EYA1: variants seen among roughly 807,000 people sequenced by gnomAD.
The protein encoded by EYA1 is EYA transcriptional coactivator and phosphatase 1.
In EYA1, 16 loss-of-function variants were observed where a neutral mutation model predicts 82.0. The observed-to-expected ratio is 0.20, with a 90% CI of 0.13 to 0.30. The LOEUF (loss-of-function observed/expected upper bound fraction) is 0.30, where lower values mean the gene tolerates loss of function less well. Ranked by LOEUF, EYA1 falls within the 10% of genes least tolerant of loss-of-function variation. EYA1 has a pLI of 1.00. For synonymous variants in EYA1, 261 were observed against 264.4 expected, an observed-to-expected ratio of 0.99 and a Z score of 0.12; for missense variants, 633 against 730.7, an observed-to-expected ratio of 0.87 and a Z score of 1.54.
intron 16 of EYA1, among the ~76,000 whole-genome samples, chr8:71,211,762 C>G (rs1808541411): frequency 6.6e-6 from 1 of 152,114 alleles, no homozygotes; most frequent in South Asian, 2.1e-4. Flanking sequence ...CAAGAAAACG[C>G]AAACATCGGA....
At chr8:71,398,104 GT>G (rs1456317238) in intron 2 of EYA1, among the ~76,000 whole-genome samples, 1 of 152,072 alleles carries the variant, frequency 6.6e-6, no homozygotes, top group Admixed American at 6.6e-5. Context: ...TTGTGCATGT[GT>G]CACGTAGTTC....
intron 9 of EYA1, among the ~76,000 whole-genome samples, chr8:71,280,192 A>C (rs139379163): frequency 5.4e-4 from 83 of 152,320 alleles, no homozygotes; most frequent in African/African-American, 1.9e-3. Flanking sequence ...CACAAACTCA[A>C]CTTACTTGAG....
intron 7 of EYA1, among the ~76,000 whole-genome samples, chr8:71,305,962 G>C (rs912018091): frequency 6.6e-6 from 1 of 152,172 alleles, no homozygotes; most frequent in Non-Finnish European, 1.5e-5. Flanking sequence ...TCTAGAGGTT[G>C]TTGTGATGCA....
chr8:71,326,635 G>A (rs1316724215), intron 4 of EYA1, among the ~76,000 whole-genome samples: 1 of 152,206 alleles, frequency 6.6e-6, no homozygotes, highest in Non-Finnish European at 1.5e-5. Context: ...TCCTGGGAGA[G>A]CTGGGGCTCC....
At chr8:71,493,834 TAA>T (rs1397878440) in intron 2 of EYA1, among the ~76,000 whole-genome samples, 104 of 149,328 alleles carry the variant, frequency 7.0e-4, no homozygotes, top group Admixed American at 1.8e-3. Flanking sequence ...CCATCCCGGC[TAA>T]AACGGTGAAA....
At chr8:71,419,070 T>C (rs1831007834) in intron 2 of EYA1, among the ~76,000 whole-genome samples, 1 of 152,136 alleles carries the variant, frequency 6.6e-6, no homozygotes, top group African/African-American at 2.4e-5. Flanking sequence ...AGAATCAGAA[T>C]ATGCAGAGCC....
intron 2 of EYA1, among the ~76,000 whole-genome samples, chr8:71,533,490 C>T (rs1018570942): frequency 6.6e-6 from 1 of 152,136 alleles, no homozygotes; most frequent in Non-Finnish European, 1.5e-5. Flanking sequence ...GAAGTGTGAG[C>T]ACTTGGGATA....
chr8:71,543,585 A>G (rs935727476), intron 1 of EYA1, among the ~76,000 whole-genome samples: 1 of 152,174 alleles, frequency 6.6e-6, no homozygotes, highest in African/African-American at 2.4e-5. Context: ...CCTCTAAATT[A>G]AACATGATGT....
At chr8:71,219,361 G>A (rs990352176) in intron 12 of EYA1, among the ~76,000 whole-genome samples, 5 of 151,996 alleles carry the variant, frequency 3.3e-5, no homozygotes, top group African/African-American at 9.7e-5. Context: ...TCTGTAGAAT[G>A]ATTTTAATTA....
At chr8:71,272,003 C>T in intron 9 of EYA1, 106 bp from the exon 10 acceptor site, 1 of 1,159,684 alleles carries the variant, frequency 8.6e-7, no homozygotes, top group Admixed American at 1.7e-5. Flanking sequence ...AAGCACATTT[C>T]ATTCTGCTGA....
chr8:71,523,470 G>A (rs1441941099), intron 2 of EYA1, among the ~76,000 whole-genome samples: 1 of 152,130 alleles, frequency 6.6e-6, no homozygotes, highest in Admixed American at 6.5e-5. Context: ...GACCTACCGC[G>A]CCCGGCCAAA....
chr8:71,483,891 G>A (rs1810367051), intron 2 of EYA1, among the ~76,000 whole-genome samples: 1 of 152,166 alleles, frequency 6.6e-6, no homozygotes, highest in Admixed American at 6.6e-5. Flanking sequence ...GAAACAAAGG[G>A]TCAATCAGAA....
chr8:71,540,882 G>T (rs1388000671), intron 1 of EYA1, among the ~76,000 whole-genome samples: 1 of 152,156 alleles, frequency 6.6e-6, no homozygotes, highest in African/African-American at 2.4e-5. Flanking sequence ...AAAGAAAAGG[G>T]CTATTCTGAA....
Position 71,297,923 on chromosome 8 carries a change from G to A in EYA1, c.826+1124C>T, listed in dbSNP as rs551039374. Among the ~76,000 whole-genome samples the A allele has an allele frequency of 7.9e-5, 12 of 152,222 alleles. No individual in the cohort carries two copies. In the East Asian group the frequency reaches 2.1e-3, roughly 27 times the overall value. On this transcript the variant is annotated intron_variant, in intron 9 of 17. Transcript: ENST00000340726. ...ACAAAAATATTTAAAGTTAAAATGT[G>A]CAGCAGAAATAATGAGCATTAGAAG...
intron 1 of EYA1, among the ~76,000 whole-genome samples, chr8:71,539,754 T>A (rs1487797485): frequency 6.6e-6 from 1 of 152,094 alleles, no homozygotes; most frequent in African/African-American, 2.4e-5. Flanking sequence ...ACAGGAATAA[T>A]GGAAGTTTTA....
At chr8:71,468,328 T>C (rs748210383) in intron 2 of EYA1, among the ~76,000 whole-genome samples, 14 of 152,146 alleles carry the variant, frequency 9.2e-5, no homozygotes, top group Non-Finnish European at 2.1e-4. Flanking sequence ...TCCTATCTTT[T>C]GACTTCACAT....
At chr8:71,440,025 T>A (rs903259364) in intron 2 of EYA1, among the ~76,000 whole-genome samples, 6 of 152,198 alleles carry the variant, frequency 3.9e-5, no homozygotes, top group South Asian at 2.1e-4. Context: ...AAAGCAAAGA[T>A]GGCTTCTAGA....
intron 2 of EYA1, among the ~76,000 whole-genome samples, chr8:71,473,276 T>A (rs1366148997): frequency 6.7e-6 from 1 of 149,174 alleles, no homozygotes; most frequent in African/African-American, 2.5e-5. Context: ...ACCTACAGAA[T>A]GGGAGAAAAT....
At chr8:71,236,168 T>C (rs936643053) in intron 12 of EYA1, among the ~76,000 whole-genome samples, 8 of 152,258 alleles carry the variant, frequency 5.3e-5, no homozygotes, top group Admixed American at 3.3e-4. Flanking sequence ...CCCGAGTAGC[T>C]GGGATTACAG....
Sources: allele counts gnomAD v4.1 joint callset (sites outside exome capture counted in the v4.1 genomes callset), GRCh38; gene constraint gnomAD v4.1.1; transcripts MANE v1.5; gene names NCBI Gene and HGNC (gene_info 2026-07-23, HGNC 2026-07-21).